The following CACNA2D3 variants were observed in gnomAD, a reference collection of about 807,000 sequenced individuals.
The protein encoded by CACNA2D3 is voltage-dependent calcium channel subunit alpha-2/delta-3.
CACNA2D3 carries 60 observed loss-of-function variants against 160.6 expected under a neutral mutation model. The observed-to-expected ratio is 0.37, with a 90% CI of 0.30 to 0.46. The LOEUF (loss-of-function observed/expected upper bound fraction) is 0.46, where lower values mean the gene tolerates loss of function less well. Ranked by LOEUF, CACNA2D3 falls within the 20% of genes least tolerant of loss-of-function variation. The pLI is 1.00. For missense variants in CACNA2D3, 1,205 were observed against 1,365.0 expected, an observed-to-expected ratio of 0.88 and a Z score of 1.85; for synonymous variants, 558 against 492.9, an observed-to-expected ratio of 1.13 and a Z score of -1.75.
intron 11 of CACNA2D3, among the ~76,000 whole-genome samples, chr3:54,673,964 C>CCTCA (rs1700199746): frequency 3.3e-5 from 5 of 152,206 alleles, no homozygotes; most frequent in African/African-American, 1.2e-4. Context: ...CCGCCGGCAG[C>CCTCA]TGTGTCTTCC....
chr3:54,819,795 A>C (rs1703545774), intron 14 of CACNA2D3, among the ~76,000 whole-genome samples: 1 of 151,496 alleles, frequency 6.6e-6, no homozygotes, highest in African/African-American at 2.4e-5. Flanking sequence ...CAGTGAGCCG[A>C]GATCACACTA....
chr3:54,648,601 A>G (rs932483703), intron 11 of CACNA2D3, among the ~76,000 whole-genome samples: 1 of 152,176 alleles, frequency 6.6e-6, no homozygotes, highest in Admixed American at 6.5e-5. Context: ...GCTTTTTTCT[A>G]CTTGAATACA....
At chr3:54,137,307 C>G (rs1005513069) in intron 2 of CACNA2D3, among the ~76,000 whole-genome samples, 7 of 152,192 alleles carry the variant, frequency 4.6e-5, no homozygotes, top group African/African-American at 1.4e-4. Context: ...ATTTAGAAAT[C>G]ACTGAGCACA....
At chr3:54,530,811 A>T (rs1261833543) in intron 5 of CACNA2D3, among the ~76,000 whole-genome samples, 2 of 152,206 alleles carry the variant, frequency 1.3e-5, no homozygotes, top group Non-Finnish European at 2.9e-5. Flanking sequence ...AATCTTCTGT[A>T]GGAAATGAAC....
At chr3:54,303,898 A>G (rs957219317) in intron 2 of CACNA2D3, among the ~76,000 whole-genome samples, 1 of 143,728 alleles carries the variant, frequency 7.0e-6, no homozygotes, top group Non-Finnish European at 1.5e-5. Flanking sequence ...GAACCTCTCC[A>G]TGGAAGAGTC....
At chr3:54,750,992 G>A (rs758357898) in intron 11 of CACNA2D3, among the ~76,000 whole-genome samples, 2 of 151,932 alleles carry the variant, frequency 1.3e-5, no homozygotes, top group African/African-American at 2.4e-5. Flanking sequence ...GGATGGTCTC[G>A]ATCTCCTGAC....
chr3:54,950,153 C>G (rs1009437749), intron 27 of CACNA2D3, among the ~76,000 whole-genome samples: 1 of 152,234 alleles, frequency 6.6e-6, no homozygotes, highest in African/African-American at 2.4e-5. Flanking sequence ...AAGTAGGGAA[C>G]TGGGAGAACT....
intron 9 of CACNA2D3, among the ~76,000 whole-genome samples, chr3:54,616,139 T>C (rs1698844241): frequency 6.6e-6 from 1 of 152,196 alleles, no homozygotes; most frequent in African/African-American, 2.4e-5. Context: ...AAACATTTAT[T>C]ATCTCATGTA....
chr3:54,800,757 T>G (rs377275702), intron 13 of CACNA2D3, among the ~76,000 whole-genome samples: 8 of 152,308 alleles, frequency 5.3e-5, no homozygotes, highest in African/African-American at 1.9e-4. Context: ...AAACTCCAGA[T>G]CTTTTCATTC....
intron 4 of CACNA2D3, among the ~76,000 whole-genome samples, chr3:54,468,589 C>G (rs184066823): frequency 2.6e-5 from 4 of 152,172 alleles, no homozygotes; most frequent in African/African-American, 9.7e-5. Flanking sequence ...CCGTTTCCCC[C>G]CTCTGGAAAG....
chr3:54,246,921 A>C (rs1702092520), intron 2 of CACNA2D3, among the ~76,000 whole-genome samples: 1 of 152,204 alleles, frequency 6.6e-6, no homozygotes, highest in Non-Finnish European at 1.5e-5. Context: ...GAGGTGTACA[A>C]CACCACACAA....
At chr3:54,909,077 C>T (rs1314293775) in intron 27 of CACNA2D3, among the ~76,000 whole-genome samples, 1 of 152,164 alleles carries the variant, frequency 6.6e-6, no homozygotes, top group African/African-American at 2.4e-5. Context: ...GAAGACAGAG[C>T]TTTGTGTATC....
chr3:54,872,064 T>G (rs1699547705), intron 18 of CACNA2D3, among the ~76,000 whole-genome samples: 1 of 152,208 alleles, frequency 6.6e-6, no homozygotes, highest in Non-Finnish European at 1.5e-5. Context: ...GGCACAGCCC[T>G]TGTTTTCAGA....
intron 4 of CACNA2D3, among the ~76,000 whole-genome samples, chr3:54,400,065 A>C (rs1200642717): frequency 1.5e-5 from 2 of 136,486 alleles, no homozygotes; most frequent in African/African-American, 2.8e-5. Flanking sequence ...CCGATTTTCC[A>C]GGTGCGTCCG....
chr3:54,606,255 G>A (rs1188373375), intron 9 of CACNA2D3, among the ~76,000 whole-genome samples: 1 of 152,066 alleles, frequency 6.6e-6, no homozygotes, highest in Non-Finnish European at 1.5e-5. Flanking sequence ...CCTTTCTAGG[G>A]TTGAAGGAGT....
At chr3:54,245,679 G>C (rs1702058480) in intron 2 of CACNA2D3, among the ~76,000 whole-genome samples, 2 of 152,136 alleles carry the variant, frequency 1.3e-5, no homozygotes, top group South Asian at 4.1e-4. Context: ...CTATTCAGAA[G>C]GCCTGCCTTT....
At chr3:54,231,699 T>C (rs1019273159) in intron 2 of CACNA2D3, among the ~76,000 whole-genome samples, 2 of 152,238 alleles carry the variant, frequency 1.3e-5, no homozygotes, top group Non-Finnish European at 2.9e-5. Context: ...TAGGTAATTT[T>C]ATAAAAATTT....
In CACNA2D3 at chr3:54,748,618, G is replaced by A. The variant is rs183868607; in HGVS notation, c.1168-3981G>A. On this transcript the variant is annotated intron_variant, in intron 11 of 37. Coordinates refer to ENST00000474759, the MANE Select transcript of CACNA2D3 (RefSeq NM_018398.3). ...TTTGAGCTGCATTAATGAAAGTGGT[G>A]CGCTCCATGCCTGCAGATGATGAGC... Among the ~76,000 whole-genome samples the A allele has an allele frequency of 9.0e-4, 137 of 151,742 alleles. 1 individual carries two copies. The highest frequency in any genetic ancestry group is 3.2e-3 in the African/African-American group (132 of 41,372).
intron 12 of CACNA2D3, among the ~76,000 whole-genome samples, chr3:54,763,880 T>C (rs9863858): frequency 0.033 from 603 of 18,440 alleles, 93 homozygotes; most frequent in South Asian, 0.1. Context: ...CGTATATATA[T>C]GTATATATAT....
Sources: allele counts gnomAD v4.1 joint callset (sites outside exome capture counted in the v4.1 genomes callset), GRCh38; gene constraint gnomAD v4.1.1; transcripts MANE v1.5; gene names NCBI Gene and HGNC (gene_info 2026-07-23, HGNC 2026-07-21).